CCDC198: variants seen among roughly 807,000 people sequenced by gnomAD.
CCDC198 encodes factor associated with metabolism and energy.
In CCDC198, 18 loss-of-function variants were observed where a neutral mutation model predicts 35.6. The ratio of observed to expected loss-of-function variants is 0.51; its 90% confidence interval spans 0.35 to 0.75. The LOEUF (loss-of-function observed/expected upper bound fraction) is 0.75. CCDC198 is among the 30% of genes least tolerant of loss of function. The probability of loss-of-function intolerance (pLI) is 0.01; values close to 1 mark genes in which losing one functional copy is unlikely to be tolerated. For synonymous variants in CCDC198, 119 were observed against 113.4 expected (o/e 1.05, Z -0.31); for missense variants, 365 against 343.7 (o/e 1.06, Z -0.49).
At chr14:57,473,135 C>T (rs1247899913) in intron 5 of CCDC198, among the ~76,000 whole-genome samples, 1 of 152,202 alleles carries the variant, frequency 6.6e-6, no homozygotes, top group Admixed American at 6.5e-5. Flanking sequence ...GAGTTGGAAA[C>T]AAGCATTTTA....
chr14:57,477,211 A>G (rs1370885532), intron 5 of CCDC198, among the ~76,000 whole-genome samples: 2 of 152,242 alleles, frequency 1.3e-5, no homozygotes, highest in African/African-American at 2.4e-5. Flanking sequence ...CTATACTTTT[A>G]CATGTACAGG....
rs1166322838 is a variant in CCDC198, at chr14:57,470,310, A to G, written c.*1045T>C. ...ACTCACTTTTATTTGTCTCCAGTCT[A>G]CTTTTTCATCTATTTGTTTTTGGTT... On this transcript the variant is annotated 3_prime_UTR_variant, in exon 6 of 6. Transcript: ENST00000216445. The G allele has an allele frequency of 6.6e-6, 1 of 152,002 alleles. No homozygotes were observed. The highest frequency in any genetic ancestry group is 2.4e-5 in the African/African-American group (1 of 41,382). The allele number at this position is 152,002 out of a possible 1,614,324, so 9.4% of individuals were successfully genotyped here.
chr14:57,485,979 G>T (rs541662447), intron 2 of CCDC198, among the ~76,000 whole-genome samples: 6 of 152,270 alleles, frequency 3.9e-5, no homozygotes, highest in South Asian at 2.1e-4. Flanking sequence ...ACATGAAGAT[G>T]CAAAGCAAAT....
At chr14:57,480,372 A>G (rs558590526) in intron 5 of CCDC198, 2 of 892,220 alleles carry the variant, frequency 2.2e-6, no homozygotes, top group East Asian at 2.4e-4. Flanking sequence ...TTAAACCCAT[A>G]CAAAGAAAGA....
At chr14:57,477,245 C>T (rs894359145) in intron 5 of CCDC198, among the ~76,000 whole-genome samples, 15 of 152,170 alleles carry the variant, frequency 9.9e-5, no homozygotes, top group Admixed American at 7.9e-4. Context: ...CACTGCAGCA[C>T]AGAACAGAAT....
chr14:57,481,920 C>A (rs1267788596), intron 3 of CCDC198, among the ~76,000 whole-genome samples: 1 of 152,154 alleles, frequency 6.6e-6, no homozygotes, highest in Non-Finnish European at 1.5e-5. Context: ...ATGGGAATAT[C>A]TTTCCACATC....
chr14:57,473,989 C>A (rs1369505201), intron 5 of CCDC198, among the ~76,000 whole-genome samples: 2 of 152,188 alleles, frequency 1.3e-5, no homozygotes, highest in African/African-American at 4.8e-5. Context: ...CACCTACATG[C>A]CCTCCTCCCC....
chr14:57,472,919 T>C (rs1380155688), intron 5 of CCDC198, among the ~76,000 whole-genome samples: 1 of 152,208 alleles, frequency 6.6e-6, no homozygotes, highest in Admixed American at 6.5e-5. Context: ...GAAACGACCA[T>C]AACTTTTTGG....
intron 2 of CCDC198, among the ~76,000 whole-genome samples, chr14:57,487,656 CTTTA>C (rs2067410026): frequency 6.6e-6 from 1 of 152,122 alleles, no homozygotes. Context: ...ATGACTTGCT[CTTTA>C]TTTGAGGAGT....
chr14:57,478,754 A>G, intron 5 of CCDC198: 1 of 1,075,674 alleles, frequency 9.3e-7, no homozygotes, highest in Non-Finnish European at 1.1e-6. Flanking sequence ...TTGGAAGTAT[A>G]GGTTAAATAG....
At position 57,481,601 on chromosome 14, in the gene CCDC198, C is replaced by T. The variant is rs761795850; in HGVS notation, c.453G>A (p.Leu151=). Residue 151 remains leucine (L), a synonymous_variant, in exon 4 of 6, where the codon TTG becomes TTA. Transcript: ENST00000216445. ...PMYTSENRQY[L]HKMQVLEMIR... Reference sequence around the variant, plus strand: ...TCATTTCCAGCACTTGCATCTTATGCAAATATTGTCTGTTCTCAGAAGTAT... The same window carrying T: ...TCATTTCCAGCACTTGCATCTTATGTAAATATTGTCTGTTCTCAGAAGTAT... The T allele has an allele frequency of 2.5e-6, 4 of 1,612,626 alleles. No individual in the cohort carries two copies. Among genetic ancestry groups the T allele is most frequent in the Non-Finnish European group, 3.4e-6 (4 of 1,179,510 alleles).
intron 5 of CCDC198, chr14:57,478,939 G>A (rs1700993785): frequency 1.6e-6 from 2 of 1,284,768 alleles, no homozygotes; most frequent in South Asian, 1.2e-5. Flanking sequence ...TCAGCGGTGG[G>A]TCAGTCCTGC....
At position 57,482,778 on chromosome 14, in the gene CCDC198, A is replaced by G. The variant is rs183547028; in HGVS notation, c.393+287T>C. 4.5e-3 allele frequency among the ~76,000 whole-genome samples: 681 copies of G among 152,280 alleles called. 4 individuals carry two copies. Among genetic ancestry groups the G allele is most frequent in the Non-Finnish European group, 6.1e-3 (417 of 68,012 alleles). On this transcript the variant is annotated intron_variant, in intron 3 of 5. Transcript: ENST00000216445. ...AGATTTGAAAACTTCAGAATCACCA[A>G]TTTCTAAGTAAAAGTCTTTTCTCAT...
At chr14:57,481,123 T>A (rs542549986) in intron 4 of CCDC198, among the ~76,000 whole-genome samples, 13 of 152,294 alleles carry the variant, frequency 8.5e-5, no homozygotes, top group Non-Finnish European at 1.8e-4. Flanking sequence ...GGTAAAGGGT[T>A]TTTTTGTTTG....
chr14:57,475,630 T>A, intron 5 of CCDC198: 1 of 401,510 alleles, frequency 2.5e-6, no homozygotes, highest in Non-Finnish European at 4.8e-6. Context: ...TCATTTGAAC[T>A]TGGGAGGCGA....
intron 2 of CCDC198, 37 bp from the exon 3 acceptor site, chr14:57,483,188 A>G: frequency 6.2e-7 from 1 of 1,613,686 alleles, no homozygotes; most frequent in African/African-American, 1.3e-5. Context: ...AGCATTCCTC[A>G]TGCCATGAGA....
At chr14:57,480,900 T>C (rs981634084) in intron 4 of CCDC198, 146 bp from the exon 5 acceptor site, 55 of 782,226 alleles carry the variant, frequency 7.0e-5, no homozygotes, top group Admixed American at 2.5e-4. Context: ...CTTTTTCCTA[T>C]TAGAAGGTAT....
At chr14:57,477,801 G>A (rs1454733841) in intron 5 of CCDC198, among the ~76,000 whole-genome samples, 5 of 152,084 alleles carry the variant, frequency 3.3e-5, no homozygotes, top group Admixed American at 1.3e-4. Flanking sequence ...GGGTTCAAGC[G>A]ATTCTCTTGC....
At chr14:57,491,575 T>G (rs2067569529) in intron 1 of CCDC198, among the ~76,000 whole-genome samples, 1 of 152,068 alleles carries the variant, frequency 6.6e-6, no homozygotes, top group African/African-American at 2.4e-5. Context: ...CAATAGCCCC[T>G]TTAGTGAAAA....
Sources: gnomAD v4.1 joint callset for allele counts (sites outside exome capture counted in the v4.1 genomes callset) on GRCh38, gnomAD v4.1.1 for gene constraint, MANE v1.5 for transcripts, NCBI Gene and HGNC (gene_info 2026-07-23, HGNC 2026-07-21) for gene names.